Variants in FRMD5 observed in about 807,000 individuals in gnomAD.
The protein encoded by FRMD5 is FERM domain-containing protein 5.
FRMD5 carries 20 observed loss-of-function variants against 69.0 expected under a neutral mutation model. The observed-to-expected ratio is 0.29, with a 90% CI of 0.20 to 0.42. The LOEUF (loss-of-function observed/expected upper bound fraction) is 0.42, where lower values mean the gene tolerates loss of function less well. Among genes scored for constraint, FRMD5 ranks in the 10% least tolerant of loss-of-function variants. FRMD5 has a pLI of 1.00. For missense variants in FRMD5, 595 were observed against 708.6 expected, an observed-to-expected ratio of 0.84 and a Z score of 1.82; for synonymous variants, 271 against 260.1, an observed-to-expected ratio of 1.04 and a Z score of -0.40.
chr15:44,044,545 A>C (rs1374281460), intron 1 of FRMD5, among the ~76,000 whole-genome samples: 1 of 152,238 alleles, frequency 6.6e-6, no homozygotes, highest in Non-Finnish European at 1.5e-5. Context: ...CTGGATAAAC[A>C]ATATATGGCA....
chr15:43,940,804 A>C lies in FRMD5; in HGVS notation c.103-16495T>G, dbSNP rs145356975. On this transcript the variant is annotated intron_variant, in intron 1 of 13. Coordinates refer to ENST00000417257, the MANE Select transcript of FRMD5 (RefSeq NM_032892.5). The stretch of plus-strand genomic sequence containing the variant: ...CGTGAATGAGAATTAGGAATGGAGG[A>C]TAATTAGCAAGGAGGCTGGGAGAAC... Among the ~76,000 whole-genome samples the C allele has an allele frequency of 7.0e-4, 107 of 152,298 alleles. 3 individuals carry two copies. The East Asian group carries it at 0.02, about 29-fold the overall frequency.
At chr15:44,133,034 T>C (rs1159226047) in intron 1 of FRMD5, among the ~76,000 whole-genome samples, 1 of 151,892 alleles carries the variant, frequency 6.6e-6, no homozygotes. Context: ...GTGCTGGGAT[T>C]ACAGGCATGA....
chr15:44,162,395 C>T (rs1292692685), intron 1 of FRMD5, among the ~76,000 whole-genome samples: 1 of 151,992 alleles, frequency 6.6e-6, no homozygotes, highest in Non-Finnish European at 1.5e-5. Context: ...CGCCACCACA[C>T]CTGGCTTATT....
At chr15:44,018,666 G>T (rs959082216) in intron 1 of FRMD5, among the ~76,000 whole-genome samples, 1 of 152,130 alleles carries the variant, frequency 6.6e-6, no homozygotes, top group South Asian at 2.1e-4. Context: ...AGGGCAGGAG[G>T]AGAAAGCCCT....
chr15:43,939,515 T>C (rs1352132267), intron 1 of FRMD5, among the ~76,000 whole-genome samples: 2 of 152,182 alleles, frequency 1.3e-5, no homozygotes, highest in East Asian at 1.9e-4. Flanking sequence ...GAGTGTCTTA[T>C]AGTTGTTCTC....
intron 1 of FRMD5, among the ~76,000 whole-genome samples, chr15:43,935,222 G>A (rs1198925917): frequency 6.6e-6 from 1 of 152,242 alleles, no homozygotes; most frequent in African/African-American, 2.4e-5. Flanking sequence ...GCTCCCGCCT[G>A]TAATCCCAGC....
intron 1 of FRMD5, among the ~76,000 whole-genome samples, chr15:44,127,616 G>C (rs968636655): frequency 3.9e-5 from 6 of 152,046 alleles, no homozygotes; most frequent in African/African-American, 1.2e-4. Flanking sequence ...CTCACAACCC[G>C]TAATGCCAGC....
At chr15:44,151,179 C>T (rs538612618) in intron 1 of FRMD5, among the ~76,000 whole-genome samples, 1 of 151,886 alleles carries the variant, frequency 6.6e-6, no homozygotes, top group African/African-American at 2.4e-5. Context: ...GGACGGATCA[C>T]GAGATCAGGA....
At chr15:44,006,210 C>T (rs1890438401) in intron 1 of FRMD5, among the ~76,000 whole-genome samples, 1 of 152,098 alleles carries the variant, frequency 6.6e-6, no homozygotes, top group Non-Finnish European at 1.5e-5. Flanking sequence ...TATATTGTGC[C>T]TGTGCTCTAT....
At chr15:44,100,832 G>A (rs2076627607) in intron 1 of FRMD5, among the ~76,000 whole-genome samples, 1 of 152,114 alleles carries the variant, frequency 6.6e-6, no homozygotes, top group African/African-American at 2.4e-5. Context: ...CTAAACAAGG[G>A]AACTAGTTCC....
chr15:44,013,223 T>A (rs574411080), intron 1 of FRMD5, among the ~76,000 whole-genome samples: 1 of 152,280 alleles, frequency 6.6e-6, no homozygotes, highest in South Asian at 2.1e-4. Flanking sequence ...ATCCTATCTT[T>A]ACAAAAACAT....
chr15:43,976,062 T>C (rs1363457099), intron 1 of FRMD5, among the ~76,000 whole-genome samples: 2 of 122,282 alleles, frequency 1.6e-5, no homozygotes, highest in African/African-American at 6.0e-5. Flanking sequence ...ATCTATGTGC[T>C]AAAAAAAAAA....
chr15:44,061,728 T>C (rs1390255011), intron 1 of FRMD5, among the ~76,000 whole-genome samples: 2 of 152,234 alleles, frequency 1.3e-5, no homozygotes, highest in Non-Finnish European at 2.9e-5. Context: ...GTTATGAATG[T>C]TGCAGGATCT....
intron 1 of FRMD5, among the ~76,000 whole-genome samples, chr15:44,120,716 G>C (rs2076937244): frequency 1.3e-5 from 2 of 151,006 alleles, no homozygotes; most frequent in Non-Finnish European, 2.9e-5. Flanking sequence ...TTTTAATAGA[G>C]ACGGGGTTTC....
intron 1 of FRMD5, among the ~76,000 whole-genome samples, chr15:44,192,057 G>T (rs2078206420): frequency 1.3e-5 from 2 of 151,482 alleles, no homozygotes; most frequent in Admixed American, 1.3e-4. Context: ...CTTCACAGGG[G>T]AGCAATTATA....
intron 1 of FRMD5, among the ~76,000 whole-genome samples, chr15:44,145,327 C>T (rs2077339991): frequency 6.6e-6 from 1 of 152,188 alleles, no homozygotes; most frequent in Non-Finnish European, 1.5e-5. Context: ...AACACAACCA[C>T]TTAAAATCCT....
intron 1 of FRMD5, among the ~76,000 whole-genome samples, chr15:43,997,247 T>C (rs951812853): frequency 6.6e-6 from 1 of 152,216 alleles, no homozygotes; most frequent in African/African-American, 2.4e-5. Context: ...ACTATGCTTG[T>C]TTACGGCATC....
At chr15:43,892,532 T>G (rs1880972093) in intron 7 of FRMD5, among the ~76,000 whole-genome samples, 1 of 152,234 alleles carries the variant, frequency 6.6e-6, no homozygotes, top group South Asian at 2.1e-4. Context: ...TACATGTATG[T>G]TAATAGCAGC....
At chr15:44,129,145 G>GA (rs2077064119) in intron 1 of FRMD5, among the ~76,000 whole-genome samples, 1 of 151,790 alleles carries the variant, frequency 6.6e-6, no homozygotes, top group Non-Finnish European at 1.5e-5. Flanking sequence ...AATTATATTG[G>GA]AAACATGTAC....
Sources: allele counts gnomAD v4.1 joint callset (sites outside exome capture counted in the v4.1 genomes callset), GRCh38; gene constraint gnomAD v4.1.1; transcripts MANE v1.5; gene names NCBI Gene and HGNC (gene_info 2026-07-23, HGNC 2026-07-21).